Variants in ATP8A2 observed in about 807,000 individuals in gnomAD.
ATP8A2 encodes ATPase phospholipid transporting 8A2.
ATP8A2 carries 100 observed loss-of-function variants against 165.6 expected under a neutral mutation model. The ratio of observed to expected loss-of-function variants is 0.60; its 90% CI spans 0.51 to 0.71. The LOEUF is 0.71. Ranked by LOEUF, ATP8A2 falls within the 30% of genes least tolerant of loss-of-function variation. ATP8A2 has a pLI of 0.00. For synonymous variants in ATP8A2, 543 were observed against 548.8 expected, an observed-to-expected ratio of 0.99 and a Z score of 0.15; for missense variants, 1,227 against 1,479.5, an observed-to-expected ratio of 0.83 and a Z score of 2.80.
intron 1 of ATP8A2, among the ~76,000 whole-genome samples, chr13:25,413,280 T>C (rs1375973684): frequency 5.2e-5 from 3 of 58,118 alleles, no homozygotes. Flanking sequence ...TTTTCTTTGT[T>C]TTTTTTTTTT....
At chr13:25,934,879 G>A (rs117650886) in intron 33 of ATP8A2, among the ~76,000 whole-genome samples, 4,364 of 152,288 alleles carry the variant, frequency 0.029, 112 homozygotes, top group Non-Finnish European at 0.042. Flanking sequence ...CGGTGTGGCT[G>A]AAGTGCAGGC....
At chr13:25,925,206 C>T (rs998120796) in intron 33 of ATP8A2, among the ~76,000 whole-genome samples, 2 of 152,100 alleles carry the variant, frequency 1.3e-5, no homozygotes, top group African/African-American at 4.8e-5. Context: ...CAGTGACTTT[C>T]AGGTGCTTAC....
chr13:25,601,525 C>T (rs993196940), intron 24 of ATP8A2, among the ~76,000 whole-genome samples: 7 of 152,154 alleles, frequency 4.6e-5, no homozygotes, highest in African/African-American at 7.2e-5. Flanking sequence ...CCCATGCTGG[C>T]GCCATCTCAG....
At chr13:25,546,477 A>G (rs1235108727) in intron 10 of ATP8A2, among the ~76,000 whole-genome samples, 1 of 151,336 alleles carries the variant, frequency 6.6e-6, no homozygotes, top group East Asian at 1.9e-4. Context: ...CTACTTGACC[A>G]CAGAGAGGAA....
At chr13:26,004,495 T>C (rs1267863656) in intron 35 of ATP8A2, among the ~76,000 whole-genome samples, 1 of 152,084 alleles carries the variant, frequency 6.6e-6, no homozygotes, top group African/African-American at 2.4e-5. Context: ...TCAGGATACC[T>C]TATATTACCC....
intron 24 of ATP8A2, among the ~76,000 whole-genome samples, chr13:25,654,524 G>T (rs2041884190): frequency 6.6e-6 from 1 of 152,242 alleles, no homozygotes; most frequent in Admixed American, 6.5e-5. Flanking sequence ...GAGTTTTGAA[G>T]ACAGTTGTTA....
intron 27 of ATP8A2, among the ~76,000 whole-genome samples, chr13:25,827,512 A>G (rs910817782): frequency 6.6e-6 from 1 of 152,226 alleles, no homozygotes; most frequent in Non-Finnish European, 1.5e-5. Context: ...TTAGAATCAT[A>G]GACTACTTGA....
chr13:25,920,056 A>G (rs569592858), intron 33 of ATP8A2, among the ~76,000 whole-genome samples: 1 of 152,266 alleles, frequency 6.6e-6, no homozygotes, highest in South Asian at 2.1e-4. Context: ...CCAAAGTGCC[A>G]GGACTACAGG....
chr13:25,710,196 A>G (rs1432429430), intron 25 of ATP8A2, among the ~76,000 whole-genome samples: 4 of 152,208 alleles, frequency 2.6e-5, no homozygotes, highest in Non-Finnish European at 4.4e-5. Context: ...ATACAGGCAT[A>G]CAATATGTAA....
At chr13:25,573,240 T>C (rs2138191348) in intron 18 of ATP8A2, among the ~76,000 whole-genome samples, 1 of 151,884 alleles carries the variant, frequency 6.6e-6, no homozygotes, top group Admixed American at 6.6e-5. Context: ...AGGTTGGGGG[T>C]TGGGGAGCTT....
chr13:25,435,370 C>T (rs1353505916), intron 1 of ATP8A2, among the ~76,000 whole-genome samples: 6 of 152,048 alleles, frequency 3.9e-5, no homozygotes, highest in African/African-American at 7.2e-5. Flanking sequence ...CCACCTGCCT[C>T]GGCCTCCCAA....
chr13:25,585,392 A>AT (rs1312139451), intron 23 of ATP8A2, among the ~76,000 whole-genome samples: 3 of 152,086 alleles, frequency 2.0e-5, no homozygotes, highest in South Asian at 4.2e-4. Context: ...GCAGTCTGTA[A>AT]TTTTTTTTAA....
At chr13:25,766,457 ATGTACCTG>A (rs1456814653) in intron 25 of ATP8A2, among the ~76,000 whole-genome samples, 3 of 152,142 alleles carry the variant, frequency 2.0e-5, no homozygotes, top group Admixed American at 6.5e-5. Flanking sequence ...GCATGTGGTG[ATGTACCTG>A]TTTACCTGTT....
intron 25 of ATP8A2, among the ~76,000 whole-genome samples, chr13:25,727,538 G>A (rs1336164043): frequency 6.6e-6 from 1 of 152,190 alleles, no homozygotes; most frequent in African/African-American, 2.4e-5. Flanking sequence ...GATTGGAAAT[G>A]CTCATGGCTA....
At chr13:25,487,843 C>CT (rs1205769555) in intron 2 of ATP8A2, among the ~76,000 whole-genome samples, 4 of 151,494 alleles carry the variant, frequency 2.6e-5, no homozygotes, top group Non-Finnish European at 4.4e-5. Flanking sequence ...TTCTCTCTTT[C>CT]TTTCTTTTTT....
rs140556044 is a variant in ATP8A2, at chr13:25,873,423, C to T, written c.3183+11015C>T. On this transcript the variant is annotated intron_variant, in intron 33 of 36. Coordinates refer to ENST00000381655, the MANE Select transcript of ATP8A2 (RefSeq NM_016529.6). ...GGGTCATACTTGTGTCACACTGCAA[C>T]CAGCTGAGCAAAAAGAATCCGTGCC... 1.2e-3 allele frequency among the ~76,000 whole-genome samples: 182 copies of T among 152,278 alleles called. 1 individual carries two copies. The highest frequency in any genetic ancestry group is 4.1e-3 in the African/African-American group (169 of 41,554).
intron 2 of ATP8A2, among the ~76,000 whole-genome samples, chr13:25,520,606 G>GTT (rs1252775040): frequency 1.7e-4 from 19 of 114,030 alleles, no homozygotes; most frequent in Non-Finnish European, 2.7e-4. Flanking sequence ...TTTTTTTTTT[G>GTT]TTTTTTTTTT....
chr13:25,489,449 G>T (rs2036454050), intron 2 of ATP8A2, among the ~76,000 whole-genome samples: 1 of 152,170 alleles, frequency 6.6e-6, no homozygotes, highest in African/African-American at 2.4e-5. Flanking sequence ...CAGCCCCTCT[G>T]TGCCGCAGCG....
intron 30 of ATP8A2, among the ~76,000 whole-genome samples, chr13:25,851,684 C>T (rs1186377351): frequency 1.3e-5 from 2 of 152,072 alleles, no homozygotes; most frequent in African/African-American, 2.4e-5. Context: ...AATTGCCAGC[C>T]TCTGGTACAT....
Sources: allele counts gnomAD v4.1 joint callset (sites outside exome capture counted in the v4.1 genomes callset), GRCh38; gene constraint gnomAD v4.1.1; transcripts MANE v1.5; gene names NCBI Gene and HGNC (gene_info 2026-07-23, HGNC 2026-07-21).